Variants in WDTC1 observed in about 807,000 individuals in gnomAD.
WDTC1 encodes the protein WD and tetratricopeptide repeats 1.
Under a neutral mutation model 76.0 loss-of-function variants are expected in WDTC1, and 12 were observed. The ratio of observed to expected loss-of-function variants is 0.16; its 90% CI spans 0.10 to 0.26. The LOEUF is 0.26. Among genes scored for constraint, WDTC1 ranks in the 10% least tolerant of loss-of-function variants. WDTC1 has a pLI of 1.00. For synonymous variants in WDTC1, 326 were observed against 350.8 expected (o/e 0.93, Z 0.79); for missense variants, 511 against 908.8 (o/e 0.56, Z 5.63).
Position 27,261,120 on chromosome 1 carries a change from C to G in WDTC1, c.48+18C>G, listed in dbSNP as rs376693991. The G allele has an allele frequency of 9.2e-5, 149 of 1,613,796 alleles. No individual in the cohort carries two copies. Among genetic ancestry groups the G allele is most frequent in the Middle Eastern group, 5.0e-4 (3 of 6,060 alleles). On this transcript the variant is annotated intron_variant, in intron 2 of 15. Coordinates refer to ENST00000319394, the MANE Select transcript of WDTC1 (RefSeq NM_001276252.2). ...AGATCAAGGTAAGCAGCCCAGACTT[C>G]TGCACCAGATCATGAGATCTTTTCT...
intron 5 of WDTC1, among the ~76,000 whole-genome samples, chr1:27,284,433 C>T (rs1211316040): frequency 2.0e-5 from 3 of 152,186 alleles, no homozygotes; most frequent in Non-Finnish European, 4.4e-5. Context: ...AGAGGAATTA[C>T]AAGATACCTG....
chr1:27,237,220 G>A lies in WDTC1; in HGVS notation c.-100+2269G>A, dbSNP rs188017380. Among the ~76,000 whole-genome samples, 273 of 152,152 alleles carry A rather than the reference G, an allele frequency of 1.8e-3. 2 individuals carry two copies. The highest frequency in any genetic ancestry group is 0.01 in the Middle Eastern group (3 of 294). Reference sequence around the variant, plus strand: ...AAACTCCTGAGCTCAAGGGATTCTCGTACCTCTGCCTTCCTAGTAGCTGGG... The same window carrying A: ...AAACTCCTGAGCTCAAGGGATTCTCATACCTCTGCCTTCCTAGTAGCTGGG... On this transcript the variant is annotated intron_variant, in intron 1 of 15. Transcript: ENST00000319394.
chr1:27,286,313 G>GTT (rs34951095), intron 5 of WDTC1, among the ~76,000 whole-genome samples: 36 of 132,226 alleles, frequency 2.7e-4, no homozygotes, highest in African/African-American at 8.3e-4. Flanking sequence ...GGTTTTTTTT[G>GTT]TTTTTTTTTT....
intron 1 of WDTC1, among the ~76,000 whole-genome samples, chr1:27,236,318 T>C (rs2011489380): frequency 6.6e-6 from 1 of 152,196 alleles, no homozygotes; most frequent in Non-Finnish European, 1.5e-5. Flanking sequence ...GTTTCTTCAT[T>C]GTAGGTTGTT....
At chr1:27,265,862 G>A (rs1287962800) in intron 3 of WDTC1, among the ~76,000 whole-genome samples, 3 of 151,958 alleles carry the variant, frequency 2.0e-5, no homozygotes, top group Non-Finnish European at 2.9e-5. Flanking sequence ...CAGGAGAATC[G>A]CTTGAACCCC....
At position 27,306,635 on chromosome 1, in the gene WDTC1, C is replaced by CT. The variant is rs2013963147; in HGVS notation, c.*252_*253insT. 2 of 546,614 alleles carry CT rather than the reference C, an allele frequency of 3.7e-6. No homozygotes were observed. Among genetic ancestry groups the CT allele is most frequent in the Non-Finnish European group, 6.5e-6 (2 of 305,500 alleles). 33.9% of individuals were successfully genotyped at this position (546,614 alleles called of 1,614,324 possible). A position where few individuals can be genotyped will look rare whatever the true frequency, so the allele number is the denominator to read the frequency against. On this transcript the variant is annotated 3_prime_UTR_variant, in exon 16 of 16. Coordinates refer to ENST00000319394, the MANE Select transcript of WDTC1 (RefSeq NM_001276252.2). This position sits in a 1 kb window ranked among gnomAD's most constrained non-coding sequence, Gnocchi z 5.0. ...GAGGGGACACCCCTCCATATGCCCC[C>CT]CCCCATCTCCTGCTTTCATGTCCCT...
intron 3 of WDTC1, among the ~76,000 whole-genome samples, chr1:27,280,157 A>C (rs2147957508): frequency 6.6e-6 from 1 of 152,338 alleles, no homozygotes; most frequent in African/African-American, 2.4e-5. Context: ...TAATTATGTG[A>C]AGTACTTAGG....
chr1:27,260,729 T>G (rs1304743435), intron 1 of WDTC1, among the ~76,000 whole-genome samples: 1 of 152,204 alleles, frequency 6.6e-6, no homozygotes, highest in Non-Finnish European at 1.5e-5. Context: ...AAGCATAACA[T>G]ATTTCTTCCG....
At chr1:27,269,598 T>G (rs1240118423) in intron 3 of WDTC1, among the ~76,000 whole-genome samples, 1 of 124,982 alleles carries the variant, frequency 8.0e-6, no homozygotes, top group African/African-American at 2.8e-5. Context: ...GATTTTTTTT[T>G]GTTTTTTGTT....
chr1:27,295,289 G>A (rs1188162357), intron 9 of WDTC1, among the ~76,000 whole-genome samples: 3 of 152,150 alleles, frequency 2.0e-5, no homozygotes, highest in Non-Finnish European at 4.4e-5. Context: ...ACAAGGCAAG[G>A]CCCAAATATA....
chr1:27,246,828 C>T (rs1234029993), intron 1 of WDTC1, among the ~76,000 whole-genome samples: 9 of 149,126 alleles, frequency 6.0e-5, no homozygotes, highest in African/African-American at 2.0e-4. Flanking sequence ...TCCCAAAGTG[C>T]TGGGATTACA....
intron 14 of WDTC1, 186 bp from the exon 15 acceptor site, chr1:27,304,815 G>A: frequency 1.7e-6 from 1 of 572,090 alleles, no homozygotes. Context: ...CTGGCCCTAG[G>A]TTTAAGAGAA....
In WDTC1 at chr1:27,305,032, G is replaced by A. The variant is rs2013919894; in HGVS notation, c.1675G>A (p.Asp559Asn). 8 of 1,613,782 alleles carry A rather than the reference G, an allele frequency of 5.0e-6. No individual in the cohort carries two copies. Among genetic ancestry groups the A allele is most frequent in the Non-Finnish European group, 6.8e-6 (8 of 1,179,938 alleles). ...TCAGTATATCGTCAGTGGCTCTGAC[G>A]ATGGCTCCTTCTTCATCTGGGAAAA... is the stretch of plus-strand genomic sequence containing the variant. The part of the protein sequence containing the change: ...NAQYIVSGSD[D>N]GSFFIWEKET... Residue 559 changes from aspartate (D) to asparagine (N), a missense_variant, in exon 15 of 16, where the codon GAT becomes AAT. By Grantham distance (23) the Asp-to-Asn change is conservative (BLOSUM62 1). Transcript: ENST00000319394. This position sits in a 1 kb window ranked among gnomAD's most constrained non-coding sequence, Gnocchi z 4.6.
At chr1:27,279,649 C>T (rs1557496256) in intron 3 of WDTC1, among the ~76,000 whole-genome samples, 1 of 152,156 alleles carries the variant, frequency 6.6e-6, no homozygotes, top group African/African-American at 2.4e-5. Flanking sequence ...TCACTGTAGC[C>T]TCCACCTCCC....
intron 3 of WDTC1, among the ~76,000 whole-genome samples, chr1:27,266,782 G>C (rs1246293104): frequency 1.3e-5 from 2 of 152,192 alleles, no homozygotes; most frequent in Non-Finnish European, 2.9e-5. Context: ...GGAGGTAAGG[G>C]TGGGATAAGA....
At chr1:27,297,491 T>C (rs747173760) in intron 11 of WDTC1, among the ~76,000 whole-genome samples, 1 of 152,228 alleles carries the variant, frequency 6.6e-6, no homozygotes. Flanking sequence ...CCCCATCCTA[T>C]AGCATATCCT....
chr1:27,249,120 T>C (rs2011949133), intron 1 of WDTC1, among the ~76,000 whole-genome samples: 1 of 152,010 alleles, frequency 6.6e-6, no homozygotes, highest in African/African-American at 2.4e-5. Flanking sequence ...ATACGAAAAA[T>C]TAGCCGAGCA....
chr1:27,240,543 A>G (rs963791134), intron 1 of WDTC1, among the ~76,000 whole-genome samples: 1 of 152,168 alleles, frequency 6.6e-6, no homozygotes, highest in African/African-American at 2.4e-5. Flanking sequence ...GTAAAGGAAT[A>G]CCACTTAGTT....
At chr1:27,259,606 G>A (rs1021175991) in intron 1 of WDTC1, among the ~76,000 whole-genome samples, 3 of 152,000 alleles carry the variant, frequency 2.0e-5, no homozygotes, top group Admixed American at 6.6e-5. Context: ...GACTACAGGT[G>A]CACAGCACTG....
Sources: gnomAD v4.1 joint callset for allele counts (sites outside exome capture counted in the v4.1 genomes callset) on GRCh38, gnomAD v4.1.1 for gene constraint, Gnocchi (gnomAD v3.1) non-coding constraint, MANE v1.5 for transcripts, NCBI Gene and HGNC (gene_info 2026-07-23, HGNC 2026-07-21) for gene names.